Variants in ADAMTSL1 observed in about 807,000 individuals in gnomAD.
ADAMTSL1 encodes ADAMTS like 1.
In ADAMTSL1, 126 loss-of-function variants were observed where a neutral mutation model predicts 201.8. That is an observed-to-expected ratio of 0.62 (90% CI 0.54 to 0.72). ADAMTSL1 has a LOEUF of 0.72. ADAMTSL1 is among the 30% of genes least tolerant of loss of function. ADAMTSL1 has a pLI of 0.00. For synonymous variants in ADAMTSL1, 1,121 were observed against 903.4 expected (o/e 1.24, Z -4.32); for missense variants, 2,679 against 2,277.8 (o/e 1.18, Z -3.59).
intron 2 of ADAMTSL1, among the ~76,000 whole-genome samples, chr9:18,373,598 A>G (rs951411775): frequency 7.2e-5 from 11 of 152,040 alleles, no homozygotes; most frequent in African/African-American, 2.7e-4. Flanking sequence ...ATTATCTGCC[A>G]ACAGGGGCTC....
At chr9:18,264,961 T>C (rs1832064386) in intron 2 of ADAMTSL1, among the ~76,000 whole-genome samples, 1 of 152,144 alleles carries the variant, frequency 6.6e-6, no homozygotes, top group African/African-American at 2.4e-5. Flanking sequence ...TAATAGTAAA[T>C]TGTCTTACAA....
intron 2 of ADAMTSL1, among the ~76,000 whole-genome samples, chr9:18,279,590 A>C (rs964463583): frequency 6.6e-6 from 1 of 151,844 alleles, no homozygotes; most frequent in African/African-American, 2.4e-5. Context: ...GAAACATGAC[A>C]CCACCAAAGT....
intron 13 of ADAMTSL1, among the ~76,000 whole-genome samples, chr9:18,703,701 C>CATACAT (rs1295764808): frequency 1.3e-5 from 1 of 78,812 alleles, no homozygotes; most frequent in African/African-American, 4.7e-5. Flanking sequence ...TGCGCACATA[C>CATACAT]ATATATATAT....
intron 19 of ADAMTSL1, among the ~76,000 whole-genome samples, chr9:18,779,286 C>A (rs893991322): frequency 3.3e-5 from 5 of 152,216 alleles, no homozygotes; most frequent in African/African-American, 1.2e-4. Flanking sequence ...GTCCATCCTG[C>A]ACACATCATT....
chr9:18,286,014 C>T lies in ADAMTSL1; in HGVS notation c.207+122033C>T, dbSNP rs761386924. 1.6e-3 allele frequency among the ~76,000 whole-genome samples: 239 copies of T among 151,894 alleles called. 1 individual carries two copies. The highest frequency in any genetic ancestry group is 2.6e-3 in the Non-Finnish European group (178 of 67,972). On this transcript the variant is annotated intron_variant, in intron 2 of 29. Coordinates refer to the ADAMTSL1 transcript ENST00000680146. ...ATTCTCCAAGTTCCCAACCCCCTAGCTCTATGCAACTGGTTACTTTCTCTC... is the reference window on the plus strand; with the variant it reads ...ATTCTCCAAGTTCCCAACCCCCTAGTTCTATGCAACTGGTTACTTTCTCTC...
intron 4 of ADAMTSL1, among the ~76,000 whole-genome samples, chr9:18,590,950 A>G (rs1031427763): frequency 2.0e-5 from 3 of 152,154 alleles, no homozygotes; most frequent in South Asian, 4.1e-4. Context: ...GTCCTAATAT[A>G]TGGCTTATTC....
intron 3 of ADAMTSL1, among the ~76,000 whole-genome samples, chr9:18,563,263 G>A (rs1027149579): frequency 1.3e-5 from 2 of 152,140 alleles, no homozygotes; most frequent in Non-Finnish European, 2.9e-5. Context: ...CTAACAGTCA[G>A]GCTCCTCTGC....
At chr9:18,338,684 A>G (rs1312812579) in intron 2 of ADAMTSL1, among the ~76,000 whole-genome samples, 1 of 152,124 alleles carries the variant, frequency 6.6e-6, no homozygotes, top group Admixed American at 6.6e-5. Flanking sequence ...CAGTAAATGC[A>G]TGCTGCAGGA....
chr9:18,639,876 T>C (rs191934769), intron 7 of ADAMTSL1, among the ~76,000 whole-genome samples: 68 of 152,286 alleles, frequency 4.5e-4, no homozygotes, highest in Admixed American at 1.2e-3. Context: ...CTATCAGAGC[T>C]TCCCTAGTCT....
chr9:18,661,086 G>A (rs933227761), intron 8 of ADAMTSL1, among the ~76,000 whole-genome samples: 1 of 151,898 alleles, frequency 6.6e-6, no homozygotes, highest in African/African-American at 2.4e-5. Context: ...TTTTCACCCC[G>A]AGAATCTAAG....
At chr9:18,541,135 A>C (rs113220955) in intron 3 of ADAMTSL1, among the ~76,000 whole-genome samples, 1 of 152,168 alleles carries the variant, frequency 6.6e-6, no homozygotes, top group African/African-American at 2.4e-5. Context: ...TTGTACACTG[A>C]TACAACAAAA....
chr9:18,177,787 A>AT (rs984569410), intron 2 of ADAMTSL1, among the ~76,000 whole-genome samples: 1 of 152,196 alleles, frequency 6.6e-6, no homozygotes, highest in Non-Finnish European at 1.5e-5. Flanking sequence ...TTACATACCC[A>AT]TGCCTAGGTG....
intron 3 of ADAMTSL1, among the ~76,000 whole-genome samples, chr9:18,539,167 C>T (rs932706878): frequency 3.9e-5 from 6 of 151,952 alleles, no homozygotes; most frequent in African/African-American, 7.2e-5. Context: ...TTTGCTTATT[C>T]GCTTATTCAT....
intron 2 of ADAMTSL1, among the ~76,000 whole-genome samples, chr9:18,175,035 T>C (rs1828076965): frequency 6.6e-6 from 1 of 152,188 alleles, no homozygotes; most frequent in Non-Finnish European, 1.5e-5. Context: ...AATATCTGTA[T>C]CTATAATTAA....
At chr9:18,842,431 A>G (rs1233793605) in intron 23 of ADAMTSL1, among the ~76,000 whole-genome samples, 1 of 152,026 alleles carries the variant, frequency 6.6e-6, no homozygotes, top group South Asian at 2.1e-4. Context: ...GTTCTTTTAC[A>G]TTTGCTGAGG....
intron 2 of ADAMTSL1, among the ~76,000 whole-genome samples, chr9:18,230,874 A>G (rs1015155498): frequency 2.0e-5 from 3 of 152,178 alleles, no homozygotes; most frequent in Non-Finnish European, 4.4e-5. Flanking sequence ...TTTATATTAA[A>G]TGAGAGTTGA....
chr9:18,662,029 C>G lies in ADAMTSL1; in HGVS notation c.1041C>G (p.Pro347=). The change falls in exon 9 of 29, where the codon CCC becomes CCG. Residue 347 remains proline (P), a synonymous_variant. Coordinates refer to ENST00000380548, the MANE Select transcript of ADAMTSL1 (RefSeq NM_001040272.6). ...YCHYYPENIK[P]KPKLQECNLD... is the part of the protein sequence containing the mutation. ...ACTATTACCCAGAGAACATCAAACC[C>G]AAACCCAAGCTTCAGGAGTGCAACT... is the stretch of plus-strand genomic sequence containing the variant. The G allele has an allele frequency of 1.2e-6, 2 of 1,614,046 alleles. No individual in the cohort carries two copies. Among genetic ancestry groups the G allele is most frequent in the Non-Finnish European group, 1.7e-6 (2 of 1,179,926 alleles).
At chr9:18,892,829 G>A (rs56232125) in intron 26 of ADAMTSL1, among the ~76,000 whole-genome samples, 13,954 of 152,060 alleles carry the variant, frequency 0.092, 731 homozygotes, top group East Asian at 0.18. Flanking sequence ...TAGGCAGTCA[G>A]CAACTCAAAA....
intron 20 of ADAMTSL1, among the ~76,000 whole-genome samples, chr9:18,807,787 C>T (rs961966383): frequency 3.3e-5 from 5 of 152,112 alleles, no homozygotes; most frequent in Admixed American, 2.0e-4. Context: ...CCTTTTGGTA[C>T]AGCGTGCCAT....
Sources: gnomAD v4.1 joint callset for allele counts (sites outside exome capture counted in the v4.1 genomes callset) on GRCh38, gnomAD v4.1.1 for gene constraint, MANE v1.5 for transcripts, NCBI Gene and HGNC (gene_info 2026-07-23, HGNC 2026-07-21) for gene names.